Variants in UTRN observed in about 807,000 individuals in gnomAD.
The protein encoded by UTRN is utrophin.
In UTRN, 283 loss-of-function variants were observed where a neutral mutation model predicts 463.9. The ratio of observed to expected loss-of-function variants is 0.61; its 90% CI spans 0.55 to 0.67. The LOEUF (loss-of-function observed/expected upper bound fraction) is 0.67, where lower values mean the gene tolerates loss of function less well. Ranked by LOEUF, UTRN falls within the 30% of genes least tolerant of loss-of-function variation. The pLI is 0.00. For synonymous variants in UTRN, 1,442 were observed against 1,431.5 expected (o/e 1.01, Z -0.17); for missense variants, 3,922 against 4,084.3 (o/e 0.96, Z 1.08).
chr6:144,717,672 GT>G (rs1280800730), intron 53 of UTRN, among the ~76,000 whole-genome samples: 2 of 118,320 alleles, frequency 1.7e-5, no homozygotes, highest in African/African-American at 7.1e-5. Flanking sequence ...GTCTCGCCCA[GT>G]TGCCCAGGCT....
chr6:144,630,457 C>T (rs1057432007), intron 51 of UTRN, among the ~76,000 whole-genome samples: 1 of 152,184 alleles, frequency 6.6e-6, no homozygotes, highest in Non-Finnish European at 1.5e-5. Flanking sequence ...AGCAAAGTCA[C>T]GTCTTGCATG....
At chr6:144,572,006 G>A (rs1167400051) in intron 50 of UTRN, among the ~76,000 whole-genome samples, 1 of 152,150 alleles carries the variant, frequency 6.6e-6, no homozygotes, top group East Asian at 1.9e-4. Flanking sequence ...TGTGTTATTC[G>A]TTTGTTTTTG....
chr6:144,619,071 T>C (rs2128646321), intron 51 of UTRN, among the ~76,000 whole-genome samples: 1 of 152,242 alleles, frequency 6.6e-6, no homozygotes, highest in South Asian at 2.1e-4. Flanking sequence ...GCCCATTATT[T>C]TAGATATAAT....
chr6:144,570,316 C>T (rs1381002526), intron 50 of UTRN, among the ~76,000 whole-genome samples: 3 of 152,062 alleles, frequency 2.0e-5, no homozygotes, highest in African/African-American at 7.2e-5. Context: ...AGTGACCACT[C>T]AGAGGATTAA....
intron 34 of UTRN, among the ~76,000 whole-genome samples, chr6:144,501,354 A>G (rs1477013358): frequency 1.3e-5 from 2 of 152,218 alleles, no homozygotes; most frequent in Admixed American, 6.5e-5. Context: ...TAAATTAGTA[A>G]CATAAGTAAT....
chr6:144,409,437 G>A (rs779088349), intron 3 of UTRN, among the ~76,000 whole-genome samples: 166 of 152,306 alleles, frequency 1.1e-3, no homozygotes, highest in Non-Finnish European at 1.3e-3. Context: ...CAACTGGGAG[G>A]AAATGACTTT....
chr6:144,635,690 C>T (rs1777103471), intron 51 of UTRN, among the ~76,000 whole-genome samples: 1 of 151,480 alleles, frequency 6.6e-6, no homozygotes, highest in Non-Finnish European at 1.5e-5. Flanking sequence ...TAGGTGCATG[C>T]CACCACGCCT....
At chr6:144,427,608 G>A (rs910586463) in intron 7 of UTRN, among the ~76,000 whole-genome samples, 2 of 152,126 alleles carry the variant, frequency 1.3e-5, no homozygotes, top group African/African-American at 2.4e-5. Context: ...GATAATAAAA[G>A]GAGTGCTTTT....
chr6:144,529,377 G>A (rs1471186799), intron 41 of UTRN, among the ~76,000 whole-genome samples: 1 of 152,196 alleles, frequency 6.6e-6, no homozygotes, highest in Non-Finnish European at 1.5e-5. Flanking sequence ...TGTTCCTGCG[G>A]TAGTTCTTGG....
intron 14 of UTRN, among the ~76,000 whole-genome samples, chr6:144,445,339 G>C (rs983373335): frequency 2.7e-5 from 3 of 111,912 alleles, no homozygotes; most frequent in Non-Finnish European, 5.1e-5. Context: ...AGACAAGAGC[G>C]AGACTCCCTC....
chr6:144,671,877 G>T (rs946351814), intron 51 of UTRN, among the ~76,000 whole-genome samples: 2 of 151,966 alleles, frequency 1.3e-5, no homozygotes, highest in Admixed American at 1.3e-4. Context: ...AGGGATGCTG[G>T]ATTTTGTTAA....
At chr6:144,745,914 A>G (rs1790684851) in intron 54 of UTRN, among the ~76,000 whole-genome samples, 1 of 151,898 alleles carries the variant, frequency 6.6e-6, no homozygotes, top group African/African-American at 2.4e-5. Context: ...CATGAGACTA[A>G]GAATGATTTT....
chr6:144,637,939 T>A (rs1777357235), intron 51 of UTRN, among the ~76,000 whole-genome samples: 1 of 152,232 alleles, frequency 6.6e-6, no homozygotes, highest in African/African-American at 2.4e-5. Flanking sequence ...TTAAACAACT[T>A]GAGTGAATAG....
At chr6:144,486,781 A>G (rs1042824625) in intron 28 of UTRN, among the ~76,000 whole-genome samples, 1 of 152,058 alleles carries the variant, frequency 6.6e-6, no homozygotes, top group Non-Finnish European at 1.5e-5. Context: ...CGGCCTCCCA[A>G]TGTGCTAGGA....
chr6:144,545,404 A>G (rs1798313687), intron 46 of UTRN, among the ~76,000 whole-genome samples: 1 of 152,182 alleles, frequency 6.6e-6, no homozygotes, highest in African/African-American at 2.4e-5. Context: ...AACACCATGC[A>G]TATCTGCCTG....
chr6:144,630,188 A>C (rs1020766477), intron 51 of UTRN, among the ~76,000 whole-genome samples: 2 of 152,202 alleles, frequency 1.3e-5, no homozygotes, highest in African/African-American at 4.8e-5. Context: ...ACTCCATCTC[A>C]AAAAATAAAT....
Position 144,835,848 on chromosome 6 carries a change from C to T in UTRN, c.9734C>T (p.Pro3245Leu), listed in dbSNP as rs370210235. 1.3e-4 allele frequency: 204 copies of T among 1,613,944 alleles called. No individual in the cohort carries two copies. Among genetic ancestry groups the T allele is most frequent in the Non-Finnish European group, 1.6e-4 (189 of 1,179,986 alleles). The change falls in exon 70 of 75, where the codon CCG (proline) becomes CTG (leucine). Residue 3245 changes from proline to leucine, a missense_variant. Pro to Leu is a moderately conservative substitution (Grantham distance 98, BLOSUM62 -3). Around this residue, in one of 3 missense-constraint regions of UTRN, gnomAD observed 1,309 missense variants for 1,452.6 expected, o/e 0.90. Coordinates refer to ENST00000367545, the MANE Select transcript of UTRN (RefSeq NM_007124.3). ...GGAGGAGAGTCCCCAGTGAGCCAGC[C>T]GCAGAGCCCAGCTCAGATCCTGAAG... ...TLGGESPVSQ[P>L]QSPAQILKSV...
intron 51 of UTRN, among the ~76,000 whole-genome samples, chr6:144,629,587 C>T (rs1776301601): frequency 6.6e-6 from 1 of 152,178 alleles, no homozygotes; most frequent in African/African-American, 2.4e-5. Context: ...AGCAAGGAAG[C>T]AGGGATGTTG....
At chr6:144,680,049 C>A (rs1055990617) in intron 52 of UTRN, among the ~76,000 whole-genome samples, 11 of 152,156 alleles carry the variant, frequency 7.2e-5, no homozygotes, top group Admixed American at 7.2e-4. Flanking sequence ...TTGCAACTTT[C>A]CATTCCTCAT....
Sources: allele counts gnomAD v4.1 joint callset (sites outside exome capture counted in the v4.1 genomes callset), GRCh38; gene constraint gnomAD v4.1.1; regional missense constraint gnomAD v4.1.1; transcripts MANE v1.5; gene names NCBI Gene and HGNC (gene_info 2026-07-23, HGNC 2026-07-21).